AKR1C3: variants seen among roughly 807,000 people sequenced by gnomAD.
AKR1C3 encodes the protein 3-alpha hydroxysteroid dehydrogenase, type II.
In AKR1C3, 48 loss-of-function variants were observed where a neutral mutation model predicts 43.6. The observed-to-expected ratio is 1.10, with a 90% CI of 0.87 to 1.40. The LOEUF is 1.40. Among genes scored for constraint, AKR1C3 ranks in the 40% most tolerant of loss-of-function variants. AKR1C3 has a pLI of 0.00. For synonymous variants in AKR1C3, 162 were observed against 139.6 expected (o/e 1.16, Z -1.13); for missense variants, 482 against 391.2 (o/e 1.23, Z -1.96).
chr10:5,104,505 GAATGGTACAACTTT>G (rs1443809730), intron 7 of AKR1C3, among the ~76,000 whole-genome samples: 1 of 151,390 alleles, frequency 6.6e-6, no homozygotes, highest in Non-Finnish European at 1.5e-5. Flanking sequence ...CTTGCTACCA[GAATGGTACAACTTT>G]TTTTCTAACT....
intron 1 of AKR1C3, among the ~76,000 whole-genome samples, chr10:5,095,325 T>C (rs1233413942): frequency 2.6e-5 from 4 of 152,100 alleles, no homozygotes; most frequent in African/African-American, 9.7e-5. Flanking sequence ...GTTGTGATGA[T>C]CTACAAGGAT....
intron 1 of AKR1C3, among the ~76,000 whole-genome samples, chr10:5,050,840 T>C (rs1423385545): frequency 6.6e-6 from 1 of 152,216 alleles, no homozygotes; most frequent in Non-Finnish European, 1.5e-5. Flanking sequence ...TTACCAAATA[T>C]GTTTCATAAG....
chr10:5,078,437 C>T lies in AKR1C3; in HGVS notation c.85-17973C>T, dbSNP rs570689348. On this transcript the variant is annotated intron_variant, in intron 1 of 8. Transcript: ENST00000439082. ...CCAGCCTGGTCAACAGAGCAAGAAT[C>T]TGTCTCAAATAATAATAACCATAAT... is the stretch of plus-strand genomic sequence containing the variant. 6.6e-4 allele frequency among the ~76,000 whole-genome samples: 101 copies of T among 152,302 alleles called. No individual in the cohort carries two copies. The South Asian group carries it at 0.02, about 31-fold the overall frequency.
chr10:5,101,024 C>CT (rs1190218816), intron 5 of AKR1C3, among the ~76,000 whole-genome samples: 4 of 152,154 alleles, frequency 2.6e-5, no homozygotes, highest in East Asian at 1.9e-4. Flanking sequence ...ATTCTTCCAG[C>CT]TACAGTATAA....
At chr10:5,106,676 A>C (rs1481012661) in intron 8 of AKR1C3, among the ~76,000 whole-genome samples, 2 of 151,878 alleles carry the variant, frequency 1.3e-5, no homozygotes, top group Admixed American at 6.6e-5. Context: ...GCTTGAACCC[A>C]GGAGGCAAAG....
chr10:5,082,704 T>A (rs1190849414), intron 1 of AKR1C3, among the ~76,000 whole-genome samples: 1 of 152,212 alleles, frequency 6.6e-6, no homozygotes, highest in Non-Finnish European at 1.5e-5. Context: ...TGCTAGTATT[T>A]TGTTAAGAAT....
intron 2 of AKR1C3, among the ~76,000 whole-genome samples, 164 bp downstream of exon 2, chr10:5,096,741 T>A (rs568060940): frequency 1.3e-4 from 20 of 152,322 alleles, no homozygotes; most frequent in African/African-American, 4.8e-4. Flanking sequence ...CAAGGAATGA[T>A]GATCACTTTT....
At chr10:5,055,086 G>A (rs1021475901) in intron 1 of AKR1C3, among the ~76,000 whole-genome samples, 8 of 152,270 alleles carry the variant, frequency 5.3e-5, no homozygotes, top group African/African-American at 1.4e-4. Context: ...CAGTTCTAGG[G>A]CTTGGGTAAG....
At chr10:5,066,879 G>T (rs1554780846) in intron 1 of AKR1C3, among the ~76,000 whole-genome samples, 1 of 152,100 alleles carries the variant, frequency 6.6e-6, no homozygotes, top group Non-Finnish European at 1.5e-5. Context: ...AGTAAAATTT[G>T]CTATAGAGCA....
At chr10:5,085,011 T>A (rs1554782842) in intron 1 of AKR1C3, among the ~76,000 whole-genome samples, 1 of 152,224 alleles carries the variant, frequency 6.6e-6, no homozygotes, top group Non-Finnish European at 1.5e-5. Flanking sequence ...TACACAATCA[T>A]GTCATCTGCA....
At chr10:5,096,296 A>T in intron 1 of AKR1C3, 114 bp from the exon 2 acceptor site, 1 of 1,293,828 alleles carries the variant, frequency 7.7e-7, no homozygotes, top group Non-Finnish European at 1.1e-6. Context: ...TGGACTTTTC[A>T]CCCCACATAC....
intron 1 of AKR1C3, among the ~76,000 whole-genome samples, chr10:5,065,533 G>GA (rs1401636895): frequency 6.6e-6 from 1 of 152,128 alleles, no homozygotes; most frequent in Non-Finnish European, 1.5e-5. Context: ...ACAAAATGCA[G>GA]AAAAAAATGC....
Position 5,107,481 on chromosome 10 carries a change from A to G in AKR1C3, c.950A>G (p.Tyr317Cys). 6.3e-7 allele frequency: 1 copy of G among 1,586,128 alleles called. No individual in the cohort carries two copies. Among genetic ancestry groups the G allele is most frequent in the Non-Finnish European group, 8.7e-7 (1 of 1,155,002 alleles). ...NSDSFASHPNYPYSDEY is the reference protein window; with the variant it reads ...NSDSFASHPNCPYSDEY Reference sequence around the variant, plus strand: ...TTCAGTTTTGCTAGCCACCCTAATTATCCATATTCAGATGAATATTAACAT... The same window carrying G: ...TTCAGTTTTGCTAGCCACCCTAATTGTCCATATTCAGATGAATATTAACAT... The change falls in exon 9 of 9, where the codon TAT becomes TGT. Residue 317 changes from tyrosine (Y) to cysteine (C), a missense_variant. Coordinates refer to ENST00000380554, the MANE Select transcript of AKR1C3 (RefSeq NM_003739.6).
At position 5,096,587 on chromosome 10, in the gene AKR1C3, C is replaced by T; in HGVS notation, c.252+10C>T. ...ATTCTACACTTCAAAGGTACTGTGTCTATGATGAGCTTGTGTGCACATGTA... is the reference window on the plus strand; with the variant it reads ...ATTCTACACTTCAAAGGTACTGTGTTTATGATGAGCTTGTGTGCACATGTA... On this transcript the variant is annotated intron_variant, in intron 2 of 8. Coordinates refer to ENST00000380554, the MANE Select transcript of AKR1C3 (RefSeq NM_003739.6). 1 of 1,610,818 alleles carries T rather than the reference C, an allele frequency of 6.2e-7. No individual in the cohort carries two copies. The highest frequency in any genetic ancestry group is 8.5e-7 in the Non-Finnish European group (1 of 1,178,188).
intron 6 of AKR1C3, 78 bp downstream of exon 6, chr10:5,102,288 G>GTAGTT (rs1839374040): frequency 1.3e-6 from 2 of 1,576,036 alleles, no homozygotes; most frequent in African/African-American, 2.7e-5. Flanking sequence ...TCAGTTTCCT[G>GTAGTT]TAGTTAAGTT....
intron 7 of AKR1C3, among the ~76,000 whole-genome samples, chr10:5,102,963 CAG>C (rs1431789074): frequency 6.7e-6 from 1 of 149,218 alleles, no homozygotes; most frequent in South Asian, 2.1e-4. Context: ...TTTTTTGAGA[CAG>C]AGTCTCATTC....
chr10:5,103,541 T>A (rs961146122), intron 7 of AKR1C3, among the ~76,000 whole-genome samples: 9 of 152,210 alleles, frequency 5.9e-5, no homozygotes, highest in African/African-American at 2.2e-4. Context: ...CTGGGCTCTC[T>A]CATGTGTTTG....
intron 5 of AKR1C3, chr10:5,099,781 A>T: frequency 3.3e-6 from 1 of 304,108 alleles, no homozygotes; most frequent in Non-Finnish European, 6.2e-6. Context: ...TGCATGGGTG[A>T]AGGTGATTTG....
intron 1 of AKR1C3, among the ~76,000 whole-genome samples, chr10:5,087,547 T>A (rs1838998087): frequency 6.6e-6 from 1 of 151,882 alleles, no homozygotes; most frequent in African/African-American, 2.4e-5. Flanking sequence ...TACTGTTTTT[T>A]GTATTTTTAG....
Sources: gnomAD v4.1 joint callset for allele counts (sites outside exome capture counted in the v4.1 genomes callset) on GRCh38, gnomAD v4.1.1 for gene constraint, MANE v1.5 for transcripts, NCBI Gene and HGNC (gene_info 2026-07-23, HGNC 2026-07-21) for gene names.